Variants in THEMIS observed in about 807,000 individuals in gnomAD.
THEMIS encodes protein THEMIS.
In THEMIS, 37 loss-of-function variants were observed where a neutral mutation model predicts 52.6. The observed-to-expected ratio is 0.70, with a 90% CI of 0.54 to 0.93. The LOEUF (loss-of-function observed/expected upper bound fraction) is 0.93, where lower values mean the gene tolerates loss of function less well. Among genes scored for constraint, THEMIS ranks in the 40% least tolerant of loss-of-function variants. THEMIS has a pLI of 0.00. For synonymous variants in THEMIS, 292 were observed against 272.7 expected (o/e 1.07, Z -0.70); for missense variants, 808 against 763.1 (o/e 1.06, Z -0.69).
chr6:127,797,428 A>C (rs913616229), intron 4 of THEMIS, among the ~76,000 whole-genome samples: 1 of 152,152 alleles, frequency 6.6e-6, no homozygotes, highest in Non-Finnish European at 1.5e-5. Context: ...TCTCAAGTTC[A>C]CACCTTGTCT....
chr6:127,809,387 GA>G (rs1777824543), intron 4 of THEMIS, among the ~76,000 whole-genome samples: 1 of 152,110 alleles, frequency 6.6e-6, no homozygotes, highest in Non-Finnish European at 1.5e-5. Flanking sequence ...AGATTATGAA[GA>G]AACTGAAAGA....
intron 4 of THEMIS, among the ~76,000 whole-genome samples, chr6:127,799,453 G>A (rs897981850): frequency 3.9e-5 from 6 of 152,192 alleles, no homozygotes; most frequent in African/African-American, 1.4e-4. Context: ...TTTGGTTTAG[G>A]CAAGTCAGTA....
At chr6:127,723,699 C>T (rs1232323878) in intron 4 of THEMIS, among the ~76,000 whole-genome samples, 2 of 151,966 alleles carry the variant, frequency 1.3e-5, no homozygotes, top group Admixed American at 6.6e-5. Context: ...TTGCCTAGGG[C>T]ATTCTTAGTA....
intron 5 of THEMIS, among the ~76,000 whole-genome samples, chr6:127,716,490 G>C (rs540432308): frequency 6.6e-6 from 1 of 151,820 alleles, no homozygotes; most frequent in Non-Finnish European, 1.5e-5. Flanking sequence ...GGGTATAAAG[G>C]TCTGTTCCCC....
intron 3 of THEMIS, among the ~76,000 whole-genome samples, chr6:127,826,833 A>G (rs1175829122): frequency 6.6e-6 from 1 of 152,124 alleles, no homozygotes; most frequent in Non-Finnish European, 1.5e-5. Flanking sequence ...AAAGAGGGAT[A>G]ATTTTTTCTA....
Position 127,813,169 on chromosome 6 carries a change from A to T in THEMIS, c.1472T>A (p.Leu491His), listed in dbSNP as rs139859697. The change falls in exon 4 of 6, where the codon CTC becomes CAC. Residue 491 changes from leucine to histidine, a missense_variant. Leu to His is a moderately conservative substitution (Grantham distance 99). Transcript: ENST00000368248. ...CGTGGGGTTGGCAAAGTCACTTATGAGTAGGTAAGAGTCTGTAATGTCCTC... is the reference window on the plus strand; with the variant it reads ...CGTGGGGTTGGCAAAGTCACTTATGTGTAGGTAAGAGTCTGTAATGTCCTC... Reference protein sequence around the residue: ...LEEDITDSYLLISDFANPTEC... With the variant: ...LEEDITDSYLHISDFANPTEC... 2.3e-4 allele frequency: 372 copies of T among 1,613,908 alleles called. No homozygotes were observed. Among genetic ancestry groups the T allele is most frequent in the Non-Finnish European group, 3.0e-4 (350 of 1,179,978 alleles).
intron 4 of THEMIS, among the ~76,000 whole-genome samples, chr6:127,736,302 G>T: frequency 6.6e-6 from 1 of 151,980 alleles, no homozygotes; most frequent in East Asian, 1.9e-4. Context: ...TTAATATGAA[G>T]TATAGTTGTC....
intron 4 of THEMIS, among the ~76,000 whole-genome samples, chr6:127,780,711 T>G (rs946860890): frequency 6.6e-6 from 1 of 152,212 alleles, no homozygotes; most frequent in African/African-American, 2.4e-5. Flanking sequence ...TTTAAGAATG[T>G]TGAATATTGG....
intron 5 of THEMIS, among the ~76,000 whole-genome samples, chr6:127,716,367 A>G (rs2114472488): frequency 6.6e-6 from 1 of 151,970 alleles, no homozygotes; most frequent in Non-Finnish European, 1.5e-5. Context: ...TCAGAACTAA[A>G]TAATCATCCT....
At chr6:127,899,627 T>C (rs1012934064) in intron 1 of THEMIS, among the ~76,000 whole-genome samples, 1 of 151,628 alleles carries the variant, frequency 6.6e-6, no homozygotes, top group Non-Finnish European at 1.5e-5. Context: ...AAATGCAAAA[T>C]ATGAAACCGT....
At chr6:127,807,455 G>A (rs1777758049) in intron 4 of THEMIS, 1 of 180,114 alleles carries the variant, frequency 5.6e-6, no homozygotes, top group South Asian at 7.6e-5. Flanking sequence ...GTCAAAATTT[G>A]TCAATTTTTT....
At chr6:127,729,457 T>A (rs1402303094) in intron 4 of THEMIS, among the ~76,000 whole-genome samples, 3 of 152,158 alleles carry the variant, frequency 2.0e-5, no homozygotes, top group African/African-American at 7.2e-5. Context: ...ACTCAACCAC[T>A]TAATTCATTG....
chr6:127,702,853 C>T, the THEMIS span, among the ~76,000 whole-genome samples: 1 of 151,908 alleles, frequency 6.6e-6, no homozygotes, highest in African/African-American at 2.4e-5. Context: ...ACCATCAGAT[C>T]TTGTGAGACG....
intron 1 of THEMIS, among the ~76,000 whole-genome samples, chr6:127,874,423 G>T (rs1041590630): frequency 6.6e-6 from 1 of 152,138 alleles, no homozygotes; most frequent in Non-Finnish European, 1.5e-5. Flanking sequence ...TAATAGATTT[G>T]TGTATATTTT....
chr6:127,863,922 G>A (rs1000767317), intron 1 of THEMIS, among the ~76,000 whole-genome samples: 11 of 152,108 alleles, frequency 7.2e-5, no homozygotes, highest in Non-Finnish European at 1.2e-4. Context: ...AGCAGCAAAT[G>A]TAGGGAAATA....
intron 2 of THEMIS, 51 bp from the exon 3 acceptor site, chr6:127,829,985 C>T (rs1778645896): frequency 1.4e-6 from 2 of 1,391,506 alleles, no homozygotes; most frequent in Middle Eastern, 2.5e-4. Context: ...AATGAAAGTT[C>T]TCACAAGAAA....
rs1252001200 is a variant in THEMIS, at chr6:127,813,872, C to A, written c.769G>T (p.Asp257Tyr). The change falls in exon 4 of 6, where the codon GAT becomes TAT. Residue 257 changes from aspartate to tyrosine, a missense_variant. Transcript: ENST00000368248. Reference sequence around the variant, plus strand: ...AGAAACCAGTTAGCATCGTAAGAATCAGTGATGTCTTTGACTTCGACATCT... The same window carrying A: ...AGAAACCAGTTAGCATCGTAAGAATAAGTGATGTCTTTGACTTCGACATCT... ...SLDVEVKDIT[D>Y]SYDANWFLQL... is the part of the protein sequence containing the mutation. 1.9e-6 allele frequency: 3 copies of A among 1,607,376 alleles called. No individual in the cohort carries two copies. The highest frequency in any genetic ancestry group is 2.5e-6 in the Non-Finnish European group (3 of 1,177,948).
chr6:127,838,971 T>C (rs956604189), intron 2 of THEMIS, among the ~76,000 whole-genome samples: 7 of 152,138 alleles, frequency 4.6e-5, no homozygotes, highest in African/African-American at 1.7e-4. Flanking sequence ...TATAGTACCA[T>C]TTATTATAAC....
chr6:127,909,145 A>G (rs2114525609), intron 1 of THEMIS, among the ~76,000 whole-genome samples: 1 of 152,180 alleles, frequency 6.6e-6, no homozygotes, highest in African/African-American at 2.4e-5. Context: ...TATTTAACCC[A>G]AGTTAGTTTA....
Sources: allele counts gnomAD v4.1 joint callset (sites outside exome capture counted in the v4.1 genomes callset), GRCh38; gene constraint gnomAD v4.1.1; transcripts MANE v1.5; gene names NCBI Gene and HGNC (gene_info 2026-07-23, HGNC 2026-07-21).